Variants in MID1 observed in about 807,000 individuals in gnomAD.
The protein encoded by MID1 is midline 1, also known as E3 ubiquitin-protein ligase Midline-1.
Under a neutral mutation model 40.4 loss-of-function variants are expected in MID1, and 7 were observed. That is an observed-to-expected ratio of 0.17 (90% CI 0.10 to 0.33). MID1 has a LOEUF of 0.33. Among genes scored for constraint, MID1 ranks in the 10% least tolerant of loss-of-function variants. The pLI is 1.00. For missense variants in MID1, 367 were observed against 558.5 expected (o/e 0.66, Z 3.46); for synonymous variants, 229 against 221.2 (o/e 1.04, Z -0.31).
chrX:10,486,098 C>T (rs777374653), intron 4 of MID1, among the ~76,000 whole-genome samples: 7 of 111,538 alleles, frequency 6.3e-5, no homozygotes, highest in Non-Finnish European at 1.1e-4. Context: ...CTCTCCAGTC[C>T]GCCCACCTAT....
At chrX:10,458,314 C>G (rs1298634924) in intron 8 of MID1, among the ~76,000 whole-genome samples, 1 of 111,972 alleles carries the variant, frequency 8.9e-6, no homozygotes, top group Non-Finnish European at 1.9e-5. Context: ...TTTGACAACT[C>G]ATAACAACCC....
At chrX:10,717,339 G>T (rs1230011451) in intron 1 of MID1, among the ~76,000 whole-genome samples, 2 of 106,569 alleles carry the variant, frequency 1.9e-5, no homozygotes, top group Non-Finnish European at 3.8e-5. Flanking sequence ...AAAATAAAGG[G>T]ATGGAGGAAG....
intron 1 of MID1, among the ~76,000 whole-genome samples, chrX:10,617,159 G>A (rs1458242520): frequency 1.8e-5 from 2 of 112,039 alleles, no homozygotes. Flanking sequence ...CTTTCTGGGT[G>A]GGTGAGTATT....
chrX:10,676,319 T>C (rs898250418), intron 1 of MID1, among the ~76,000 whole-genome samples: 2 of 112,098 alleles, frequency 1.8e-5, no homozygotes, highest in African/African-American at 6.5e-5. Context: ...GTTCTGTGGC[T>C]ACCAGCCCTT....
chrX:10,813,805 T>C (rs1243683172), intron 1 of MID1, among the ~76,000 whole-genome samples: 1 of 111,748 alleles, frequency 8.9e-6, no homozygotes, highest in Non-Finnish European at 1.9e-5. Context: ...GAAACCCAAG[T>C]GGCAATGGGG....
chrX:10,516,560 T>TTGTGTGTGTGTGTGTGTGTGTGTG (rs57101806), intron 3 of MID1, among the ~76,000 whole-genome samples: 1 of 73,365 alleles, frequency 1.4e-5, no homozygotes, highest in African/African-American at 5.8e-5. Flanking sequence ...TACTCTGCTC[T>TTGTGTGTGTGTGTGTGTGTGTGTG]TGTGTGTGTG....
chrX:10,614,652 T>C (rs2147538025), intron 1 of MID1, among the ~76,000 whole-genome samples: 1 of 111,822 alleles, frequency 8.9e-6, no homozygotes, highest in African/African-American at 3.2e-5. Context: ...GGTGGGAAGA[T>C]GAACAATTAT....
At position 10,590,153 on chromosome X, in the gene MID1, G is replaced by C. The variant is rs191929631; in HGVS notation, c.-56-22550C>G. On this transcript the variant is annotated intron_variant, in intron 1 of 9. Coordinates refer to ENST00000317552, the MANE Select transcript of MID1 (RefSeq NM_000381.4). ...AATCTATAGATAACATCAGTTGCTA[G>C]GTCAGGGGTGGAATTTTAACTACCA... 3.1e-4 allele frequency among the ~76,000 whole-genome samples: 35 copies of C among 111,371 alleles called. No homozygotes were observed. In the Admixed American group the frequency reaches 3.3e-3, roughly 11 times the overall value.
intron 1 of MID1, among the ~76,000 whole-genome samples, chrX:10,785,716 A>G (rs2043877703): frequency 3.6e-5 from 4 of 111,818 alleles, no homozygotes; most frequent in African/African-American, 1.3e-4. Context: ...AGAAATGGGG[A>G]AAGGATTCCC....
chrX:10,737,132 C>T (rs185148115), intron 1 of MID1, among the ~76,000 whole-genome samples: 105 of 112,297 alleles, frequency 9.4e-4, no homozygotes, highest in Middle Eastern at 4.7e-3. Context: ...TAGAATATTG[C>T]TTTTCATTCT....
At chrX:10,737,185 C>T (rs5978419) in intron 1 of MID1, among the ~76,000 whole-genome samples, 27,315 of 111,585 alleles carry the variant, frequency 0.24, 5,538 homozygotes, top group African/African-American at 0.69. Context: ...CTTACTTTGA[C>T]CCCTTCAAAA....
At chrX:10,577,318 G>A (rs1327735973) in intron 1 of MID1, among the ~76,000 whole-genome samples, 3 of 111,790 alleles carry the variant, frequency 2.7e-5, no homozygotes, top group Admixed American at 1.9e-4. Context: ...ATTTGCCTTT[G>A]GGGCCTTTCA....
At chrX:10,590,772 T>C (rs1935277511) in intron 1 of MID1, among the ~76,000 whole-genome samples, 1 of 112,400 alleles carries the variant, frequency 8.9e-6, no homozygotes, top group South Asian at 3.7e-4. Context: ...AAATGTAATT[T>C]GTAAAACACG....
At chrX:10,457,920 C>T (rs1266248468) in intron 8 of MID1, among the ~76,000 whole-genome samples, 1 of 112,966 alleles carries the variant, frequency 8.9e-6, no homozygotes, top group African/African-American at 3.2e-5. Flanking sequence ...CCTTGGAAAG[C>T]CTCTCAAGGT....
chrX:10,448,600 T>C lies in MID1; in HGVS notation c.*768A>G, dbSNP rs1022458210. The C allele has an allele frequency of 8.9e-6, 1 of 112,194 alleles. No homozygotes were observed. The highest frequency in any genetic ancestry group is 1.9e-5 in the Non-Finnish European group (1 of 53,269). 9.2% of individuals were successfully genotyped at this position (112,194 alleles called of 1,213,427 possible). A position where few individuals can be genotyped will look rare whatever the true frequency, so the allele number is the denominator to read the frequency against. ...CTGAATTTTTGAATAATCAATAGGA[T>C]TCAAAATGACTATTTTCAATTGCAA... is the stretch of plus-strand genomic sequence containing the variant. On this transcript the variant is annotated 3_prime_UTR_variant, in exon 10 of 10. Transcript: ENST00000317552.
chrX:10,600,277 A>G (rs1204862204), intron 1 of MID1, among the ~76,000 whole-genome samples: 1 of 111,080 alleles, frequency 9.0e-6, no homozygotes, highest in Non-Finnish European at 1.9e-5. Flanking sequence ...CCTGAGCAAC[A>G]TAGTGAGACC....
At chrX:10,736,668 G>T (rs962407247) in intron 1 of MID1, among the ~76,000 whole-genome samples, 2 of 112,298 alleles carry the variant, frequency 1.8e-5, no homozygotes, top group South Asian at 7.5e-4. Context: ...TCTTGCTTGT[G>T]CTAGGCCTAC....
chrX:10,816,398 CTG>C (rs1160881600), intron 1 of MID1, among the ~76,000 whole-genome samples: 1 of 112,190 alleles, frequency 8.9e-6, no homozygotes, highest in African/African-American at 3.2e-5. Flanking sequence ...CTTTATCAAA[CTG>C]TAATTTCCTC....
chrX:10,512,606 T>C (rs992819482), intron 3 of MID1, among the ~76,000 whole-genome samples: 1 of 112,101 alleles, frequency 8.9e-6, no homozygotes, highest in Admixed American at 9.5e-5. Flanking sequence ...TATGTGTTGC[T>C]GTGAAACTGG....
Sources: allele counts gnomAD v4.1 joint callset (sites outside exome capture counted in the v4.1 genomes callset), GRCh38; gene constraint gnomAD v4.1.1; transcripts MANE v1.5; gene names NCBI Gene and HGNC (gene_info 2026-07-23, HGNC 2026-07-21).